Variants in CREM observed in about 807,000 individuals in gnomAD.
CREM encodes cAMP responsive element modulator, also known as cAMP-responsive element modulator.
In CREM, 13 loss-of-function variants were observed where a neutral mutation model predicts 37.3. That is an observed-to-expected ratio of 0.35 (90% CI 0.23 to 0.55). The LOEUF (loss-of-function observed/expected upper bound fraction) is 0.55. CREM is among the 20% of genes least tolerant of loss of function. The pLI is 0.88. For synonymous variants in CREM, 124 were observed against 120.2 expected (o/e 1.03, Z -0.21); for missense variants, 296 against 362.3 (o/e 0.82, Z 1.49).
chr10:35,185,180 G>A (rs931746459), intron 5 of CREM, among the ~76,000 whole-genome samples: 1 of 148,216 alleles, frequency 6.7e-6, no homozygotes, highest in African/African-American at 2.5e-5. Context: ...TCTGCTCACC[G>A]CAACCCCCGC....
intron 3 of CREM, among the ~76,000 whole-genome samples, chr10:35,170,524 T>C (rs569413057): frequency 3.3e-4 from 51 of 152,312 alleles, no homozygotes; most frequent in African/African-American, 1.1e-3. Flanking sequence ...TGAATCCATC[T>C]GGTCCTGGAC....
chr10:35,198,608 T>C (rs1415055407), intron 6 of CREM, among the ~76,000 whole-genome samples: 1 of 152,182 alleles, frequency 6.6e-6, no homozygotes, highest in African/African-American at 2.4e-5. Flanking sequence ...TATTAGAAAT[T>C]GCCTTTGTTT....
At chr10:35,194,097 CAAAAAAAAAAAA>C (rs371978117) in intron 6 of CREM, among the ~76,000 whole-genome samples, 18 of 25,052 alleles carry the variant, frequency 7.2e-4, no homozygotes, top group South Asian at 6.0e-3. Flanking sequence ...GACTTCATCT[CAAAAAAAAAAAA>C]AAAAAAAAAA....
rs1339551330 is a variant in CREM, at chr10:35,127,086, G to A, written c.-162G>A. On this transcript the variant is annotated 5_prime_UTR_variant, in exon 1 of 8. Coordinates refer to ENST00000685392, the MANE Select transcript of CREM (RefSeq NM_183011.2). ...TACGTGGGGCCGCTGCCGGCTCCGG[G>A]TTGCTGGGCGGCGGCGCCGCTGCTG... The A allele has an allele frequency of 6.5e-6, 1 of 152,814 alleles. No homozygotes were observed. Among genetic ancestry groups the A allele is most frequent in the Non-Finnish European group, 1.5e-5 (1 of 68,138 alleles). The allele number at this position is 152,814 out of a possible 1,614,324, so 9.5% of individuals were successfully genotyped here. A position where few individuals can be genotyped will look rare whatever the true frequency, so the allele number is the denominator to read the frequency against.
intron 3 of CREM, among the ~76,000 whole-genome samples, chr10:35,168,850 A>G (rs573235803): frequency 1.4e-4 from 22 of 152,348 alleles, no homozygotes; most frequent in Middle Eastern, 3.4e-3. Flanking sequence ...TTAATTAAAT[A>G]GGGAATCCTT....
At chr10:35,201,528 A>G (rs372315992) in intron 6 of CREM, 33 of 1,551,316 alleles carry the variant, frequency 2.1e-5, no homozygotes, top group Non-Finnish European at 2.7e-5. Flanking sequence ...TCCAAACCCC[A>G]TGCTTTTTCT....
At chr10:35,199,654 C>T (rs909460555) in intron 6 of CREM, among the ~76,000 whole-genome samples, 4 of 152,104 alleles carry the variant, frequency 2.6e-5, no homozygotes, top group African/African-American at 2.4e-5. Context: ...TGCCCAACTA[C>T]ACCCAGGTCA....
Position 35,211,722 on chromosome 10 carries a change from A to G in CREM, c.*324A>G. The stretch of plus-strand genomic sequence containing the variant: ...TAAAATGTCTGGAGAGCCGAGTTGC[A>G]GTGCTGGAAGTCCAGAACAAGAAGC... On this transcript the variant is annotated 3_prime_UTR_variant, in exon 8 of 8. Coordinates refer to ENST00000685392, the MANE Select transcript of CREM (RefSeq NM_183011.2). The G allele has an allele frequency of 6.2e-7, 1 of 1,614,168 alleles. No individual in the cohort carries two copies. The highest frequency in any genetic ancestry group is 8.5e-7 in the Non-Finnish European group (1 of 1,180,024).
At chr10:35,184,113 C>T (rs2094457608) in intron 5 of CREM, among the ~76,000 whole-genome samples, 1 of 152,070 alleles carries the variant, frequency 6.6e-6, no homozygotes, top group African/African-American at 2.4e-5. Flanking sequence ...AAGTGTATAA[C>T]ATCGCCAGGC....
intron 3 of CREM, among the ~76,000 whole-genome samples, chr10:35,177,019 AT>A (rs915020609): frequency 1.4e-4 from 21 of 152,006 alleles, no homozygotes; most frequent in Non-Finnish European, 2.8e-4. Flanking sequence ...ATTTTTGTTC[AT>A]TTTTAAGGTC....
At chr10:35,161,112 A>T (rs1216021394) in intron 3 of CREM, among the ~76,000 whole-genome samples, 2 of 152,144 alleles carry the variant, frequency 1.3e-5, no homozygotes, top group African/African-American at 4.8e-5. Flanking sequence ...AAGCATATGT[A>T]CTGTACATAA....
At chr10:35,147,247 G>A (rs560986026) in intron 2 of CREM, among the ~76,000 whole-genome samples, 8 of 151,892 alleles carry the variant, frequency 5.3e-5, no homozygotes, top group Non-Finnish European at 1.2e-4. Context: ...TAGAGACGGG[G>A]TTTCACCGTG....
intron 3 of CREM, among the ~76,000 whole-genome samples, chr10:35,170,113 C>T (rs2132648725): frequency 6.6e-6 from 1 of 152,194 alleles, no homozygotes; most frequent in South Asian, 2.1e-4. Context: ...CAGGCACCCG[C>T]CACCACACCC....
At chr10:35,204,615 AAAT>A (rs2095476553) in intron 6 of CREM, among the ~76,000 whole-genome samples, 1 of 152,010 alleles carries the variant, frequency 6.6e-6, no homozygotes, top group Non-Finnish European at 1.5e-5. Flanking sequence ...AAAAAAAAAA[AAAT>A]CAATTATTCC....
intron 3 of CREM, among the ~76,000 whole-genome samples, chr10:35,157,250 A>G (rs979602821): frequency 6.7e-6 from 1 of 149,572 alleles, no homozygotes; most frequent in Non-Finnish European, 1.5e-5. Flanking sequence ...ACCTCAGTGC[A>G]ACAAAGGCAG....
At chr10:35,165,056 C>CAAAAAAAAAAAAAAAAAA (rs60898349) in intron 3 of CREM, among the ~76,000 whole-genome samples, 1 of 74,954 alleles carries the variant, frequency 1.3e-5, no homozygotes, top group Non-Finnish European at 2.6e-5. Context: ...GGCTCCATCT[C>CAAAAAAAAAAAAAAAAAA]AAAAAAAAAA....
intron 2 of CREM, among the ~76,000 whole-genome samples, chr10:35,145,160 C>CAAA (rs34802396): frequency 0.013 from 875 of 67,694 alleles, 16 homozygotes; most frequent in Admixed American, 0.068. Context: ...GACACTGTCT[C>CAAA]AAAAAAAAAA....
chr10:35,153,371 CTACT>C (rs1378612787), intron 3 of CREM, among the ~76,000 whole-genome samples: 2 of 152,190 alleles, frequency 1.3e-5, no homozygotes, highest in South Asian at 2.1e-4. Context: ...CATTTTACTC[CTACT>C]TACTTCTGGG....
chr10:35,188,545 T>A, intron 6 of CREM, 157 bp downstream of exon 6: 1 of 539,014 alleles, frequency 1.9e-6, no homozygotes, highest in Non-Finnish European at 3.0e-6. Context: ...TTTAATACAT[T>A]AAACAGCAAA....
Sources: gnomAD v4.1 joint callset for allele counts (sites outside exome capture counted in the v4.1 genomes callset) on GRCh38, gnomAD v4.1.1 for gene constraint, MANE v1.5 for transcripts, NCBI Gene and HGNC (gene_info 2026-07-23, HGNC 2026-07-21) for gene names.